The following GABRG3 variants were observed in gnomAD, a reference collection of about 807,000 sequenced individuals.
GABRG3 encodes gamma-aminobutyric acid receptor subunit gamma-3.
Under a neutral mutation model 48.8 loss-of-function variants are expected in GABRG3, and 25 were observed. The observed-to-expected ratio is 0.51, with a 90% CI of 0.37 to 0.72. The LOEUF (loss-of-function observed/expected upper bound fraction) is 0.72. GABRG3 is among the 30% of genes least tolerant of loss of function. GABRG3 has a pLI of 0.00. For missense variants in GABRG3, 394 were observed against 577.9 expected (o/e 0.68, Z 3.26); for synonymous variants, 227 against 217.6 (o/e 1.04, Z -0.38).
intron 3 of GABRG3, among the ~76,000 whole-genome samples, chr15:27,111,809 G>T (rs953742127): frequency 6.6e-6 from 1 of 152,126 alleles, no homozygotes; most frequent in South Asian, 2.1e-4. Flanking sequence ...AGCTTCCTAA[G>T]TGTTTCTGTC....
Position 27,539,853 on chromosome 15 carries a change from T to A in GABRG3, c.*6972T>A, listed in dbSNP as rs998917237. On this transcript the variant is annotated 3_prime_UTR_variant, in exon 10 of 10. Transcript: ENST00000615808. ...TTAAGCAATTAAAGACTCCTTCCAATGTAATTAAAAAATAAGTAATGTGGC... is the reference window on the plus strand; with the variant it reads ...TTAAGCAATTAAAGACTCCTTCCAAAGTAATTAAAAAATAAGTAATGTGGC... 2 of 152,172 alleles carry A rather than the reference T, an allele frequency of 1.3e-5. No individual in the cohort carries two copies. Among genetic ancestry groups the A allele is most frequent in the African/African-American group, 4.8e-5 (2 of 41,440 alleles). The allele number at this position is 152,172 out of a possible 1,614,324, so 9.4% of individuals were successfully genotyped here. A position where few individuals can be genotyped will look rare whatever the true frequency, so the allele number is the denominator to read the frequency against.
intron 5 of GABRG3, among the ~76,000 whole-genome samples, chr15:27,461,782 C>T (rs1889457767): frequency 6.6e-6 from 1 of 152,188 alleles, no homozygotes; most frequent in African/African-American, 2.4e-5. Flanking sequence ...CCGCCAGACC[C>T]ATAAGCCCAG....
chr15:27,494,648 C>T (rs1238166169), intron 6 of GABRG3, among the ~76,000 whole-genome samples: 3 of 152,096 alleles, frequency 2.0e-5, no homozygotes, highest in African/African-American at 7.2e-5. Flanking sequence ...ACACTATTCC[C>T]TGATTATCCC....
intron 5 of GABRG3, among the ~76,000 whole-genome samples, chr15:27,467,038 A>G (rs1169370482): frequency 6.6e-6 from 1 of 152,156 alleles, no homozygotes; most frequent in Non-Finnish European, 1.5e-5. Flanking sequence ...TGGGGCTATT[A>G]TAACAAAAAC....
intron 4 of GABRG3, among the ~76,000 whole-genome samples, chr15:27,328,128 CCA>C (rs1491224774): frequency 2.9e-4 from 36 of 122,748 alleles, no homozygotes; most frequent in African/African-American, 1.0e-3. Flanking sequence ...AAAAAAAAAA[CCA>C]AAAAAAAAAA....
At chr15:27,247,721 A>G (rs982138893) in intron 3 of GABRG3, among the ~76,000 whole-genome samples, 1 of 152,204 alleles carries the variant, frequency 6.6e-6, no homozygotes, top group Non-Finnish European at 1.5e-5. Flanking sequence ...AGGCCTCACA[A>G]TCATGGCAGA....
intron 5 of GABRG3, among the ~76,000 whole-genome samples, chr15:27,331,426 A>G (rs1046797379): frequency 6.6e-6 from 1 of 152,194 alleles, no homozygotes; most frequent in Non-Finnish European, 1.5e-5. Flanking sequence ...GAAAGGAGCT[A>G]CCGAGCCATA....
intron 3 of GABRG3, among the ~76,000 whole-genome samples, chr15:27,103,593 C>T (rs898158003): frequency 2.0e-5 from 3 of 152,168 alleles, no homozygotes; most frequent in African/African-American, 7.2e-5. Context: ...ATTAACCCCT[C>T]CCCTTTCCCT....
intron 3 of GABRG3, among the ~76,000 whole-genome samples, chr15:27,253,685 G>A (rs17563374): frequency 0.11 from 16,948 of 152,294 alleles, 1,356 homozygotes; most frequent in Non-Finnish European, 0.16. Flanking sequence ...TTCCCATTCC[G>A]CAGGAGCTTC....
intron 3 of GABRG3, among the ~76,000 whole-genome samples, chr15:27,304,623 C>G (rs1030322318): frequency 3.9e-5 from 6 of 151,984 alleles, no homozygotes; most frequent in Admixed American, 3.3e-4. Context: ...ACTCTGACCT[C>G]TGCTTTCATT....
intron 9 of GABRG3, chr15:27,530,500 C>T (rs1273393775): frequency 1.5e-5 from 6 of 392,474 alleles, no homozygotes; most frequent in South Asian, 9.7e-5. Context: ...TGTTTCATTT[C>T]GAAGCAGTGA....
At chr15:27,003,988 C>T (rs1165266905) in intron 2 of GABRG3, among the ~76,000 whole-genome samples, 5 of 149,488 alleles carry the variant, frequency 3.3e-5, no homozygotes, top group Non-Finnish European at 6.0e-5. Flanking sequence ...GGGCTGACCC[C>T]CCACCTCCCT....
intron 3 of GABRG3, among the ~76,000 whole-genome samples, chr15:27,229,418 C>T (rs567971580): frequency 6.6e-6 from 1 of 151,710 alleles, no homozygotes; most frequent in South Asian, 2.1e-4. Flanking sequence ...TCTGGGCTCT[C>T]TATTCTGTTT....
chr15:27,327,659 G>A (rs943126638), intron 4 of GABRG3, among the ~76,000 whole-genome samples: 1 of 152,136 alleles, frequency 6.6e-6, no homozygotes, highest in African/African-American at 2.4e-5. Context: ...CCAGCACAGG[G>A]ACTGGATGGT....
intron 2 of GABRG3, among the ~76,000 whole-genome samples, chr15:26,999,329 ACT>A (rs1895401463): frequency 6.6e-6 from 1 of 152,130 alleles, no homozygotes; most frequent in Admixed American, 6.5e-5. Context: ...AGACTTAAGA[ACT>A]CATGGATTTT....
chr15:27,038,530 C>T (rs1896218344), intron 3 of GABRG3, among the ~76,000 whole-genome samples: 1 of 152,236 alleles, frequency 6.6e-6, no homozygotes, highest in African/African-American at 2.4e-5. Context: ...TCTTCCCTGG[C>T]ACCACGCTCT....
At chr15:27,099,416 G>A (rs916335615) in intron 3 of GABRG3, among the ~76,000 whole-genome samples, 1 of 152,142 alleles carries the variant, frequency 6.6e-6, no homozygotes, top group Admixed American at 6.5e-5. Flanking sequence ...TTGTCTTCCT[G>A]TGTCTTCGCA....
chr15:27,275,580 C>T (rs1193332628), intron 3 of GABRG3, among the ~76,000 whole-genome samples: 1 of 152,162 alleles, frequency 6.6e-6, no homozygotes, highest in Non-Finnish European at 1.5e-5. Context: ...TCAGCCAGAT[C>T]AGCCAGTTCA....
At chr15:27,176,624 A>G (rs1887754980) in intron 3 of GABRG3, among the ~76,000 whole-genome samples, 1 of 152,216 alleles carries the variant, frequency 6.6e-6, no homozygotes, top group Non-Finnish European at 1.5e-5. Context: ...TTAGAAAGTC[A>G]GGAAGGCTGC....
Sources: allele counts gnomAD v4.1 joint callset (sites outside exome capture counted in the v4.1 genomes callset), GRCh38; gene constraint gnomAD v4.1.1; transcripts MANE v1.5; gene names NCBI Gene and HGNC (gene_info 2026-07-23, HGNC 2026-07-21).